SIK2: variants seen among roughly 807,000 people sequenced by gnomAD.
SIK2 encodes the protein salt inducible kinase 2, also known as serine/threonine-protein kinase SIK2.
SIK2 carries 29 observed loss-of-function variants against 103.2 expected under a neutral mutation model. The observed-to-expected ratio is 0.28, with a 90% CI of 0.21 to 0.38. The LOEUF (loss-of-function observed/expected upper bound fraction) is 0.38. Ranked by LOEUF, SIK2 falls within the 10% of genes least tolerant of loss-of-function variation. The probability of loss-of-function intolerance (pLI) is 1.00; values close to 1 mark genes in which losing one functional copy is unlikely to be tolerated. For missense variants in SIK2, 879 were observed against 1,171.0 expected (o/e 0.75, Z 3.64); for synonymous variants, 412 against 446.1 (o/e 0.92, Z 0.96).
At chr11:111,655,226 A>C (rs961423252) in intron 3 of SIK2, among the ~76,000 whole-genome samples, 13 of 152,046 alleles carry the variant, frequency 8.6e-5, no homozygotes, top group Non-Finnish European at 1.5e-4. Flanking sequence ...ACATGGTGAA[A>C]CCTCTTCTCT....
At position 111,636,948 on chromosome 11, in the gene SIK2, A is replaced by G. The variant is rs975738856; in HGVS notation, c.316+16546A>G. On this transcript the variant is annotated intron_variant, in intron 3 of 14. Coordinates refer to ENST00000304987, the MANE Select transcript of SIK2 (RefSeq NM_015191.3). The stretch of plus-strand genomic sequence containing the variant: ...GTCCTCAGTGTTCTGTAATTTTCCA[A>G]TGATGTGCTTTGGTGTGGGTCTATT... Among the ~76,000 whole-genome samples, 4 of 152,056 alleles carry G rather than the reference A, an allele frequency of 2.6e-5. No homozygotes were observed. In the East Asian group the frequency reaches 5.8e-4, roughly 22 times the overall value.
intron 12 of SIK2, 76 bp from the exon 13 acceptor site, chr11:111,721,754 A>G (rs1424656547): frequency 1.8e-6 from 2 of 1,141,048 alleles, no homozygotes; most frequent in Non-Finnish European, 2.5e-6. Flanking sequence ...GGACATTGCA[A>G]AGGTGCTTCA....
chr11:111,687,337 A>C (rs1347901963), intron 3 of SIK2, among the ~76,000 whole-genome samples: 1 of 151,908 alleles, frequency 6.6e-6, no homozygotes, highest in African/African-American at 2.4e-5. Flanking sequence ...CAACGTGATG[A>C]AACCCCATCT....
At position 111,722,721 on chromosome 11, in the gene SIK2, A is replaced by G; in HGVS notation, c.2112A>G (p.Pro704=). ...CCTGTCAGCTTTATTGCAAAGAACC[A>G]CCGCGGAGCCTTGAGCAGCAGCTGC... ...QNTCQLYCKE[P]PRSLEQQLQE... is the part of the protein sequence containing the mutation. Residue 704 remains proline (P), a synonymous_variant, in exon 14 of 15, where the codon CCA becomes CCG. Coordinates refer to ENST00000304987, the MANE Select transcript of SIK2 (RefSeq NM_015191.3). This position sits in a 1 kb window ranked among gnomAD's most constrained non-coding sequence, Gnocchi z 4.4. 6.2e-7 allele frequency: 1 copy of G among 1,614,092 alleles called. No homozygotes were observed. The highest frequency in any genetic ancestry group is 1.1e-5 in the South Asian group (1 of 91,072).
At chr11:111,635,402 AAGG>A (rs1288123540) in intron 3 of SIK2, among the ~76,000 whole-genome samples, 1 of 128,400 alleles carries the variant, frequency 7.8e-6, no homozygotes, top group African/African-American at 3.6e-5. Context: ...GAAAGGGAGA[AAGG>A]AAGGAAGGAG....
intron 3 of SIK2, among the ~76,000 whole-genome samples, chr11:111,631,899 G>C (rs189951458): frequency 6.6e-6 from 1 of 152,246 alleles, no homozygotes; most frequent in East Asian, 1.9e-4. Context: ...ATGCATCTAC[G>C]GTGTGTGATT....
At chr11:111,699,450 C>T (rs1410997898) in intron 4 of SIK2, among the ~76,000 whole-genome samples, 3 of 152,162 alleles carry the variant, frequency 2.0e-5, no homozygotes, top group Non-Finnish European at 4.4e-5. Context: ...TTCTTATTCT[C>T]ATTTAATCCT....
At chr11:111,678,825 A>G (rs1265617608) in intron 3 of SIK2, among the ~76,000 whole-genome samples, 1 of 152,212 alleles carries the variant, frequency 6.6e-6, no homozygotes, top group Non-Finnish European at 1.5e-5. Context: ...ATAGATGTGG[A>G]ATAAAACCCC....
At chr11:111,662,896 A>T (rs150468757) in intron 3 of SIK2, among the ~76,000 whole-genome samples, 1 of 151,404 alleles carries the variant, frequency 6.6e-6, no homozygotes, top group Non-Finnish European at 1.5e-5. Context: ...ATAAAACAAA[A>T]TATTTTTAAA....
intron 3 of SIK2, among the ~76,000 whole-genome samples, chr11:111,637,431 A>T (rs1044948550): frequency 1.4e-5 from 2 of 139,974 alleles, no homozygotes; most frequent in Admixed American, 7.0e-5. Context: ...TAACACCCTT[A>T]TCTTATCTGA....
intron 6 of SIK2, among the ~76,000 whole-genome samples, chr11:111,702,384 A>G (rs1340979790): frequency 6.6e-6 from 1 of 152,192 alleles, no homozygotes; most frequent in Non-Finnish European, 1.5e-5. Context: ...CAGGAGTTGG[A>G]GACCAGCCTG....
intron 9 of SIK2, 65 bp from the exon 10 acceptor site, chr11:111,719,710 T>C: frequency 6.7e-7 from 1 of 1,496,162 alleles, no homozygotes; most frequent in South Asian, 1.2e-5. Flanking sequence ...TGACATGTTT[T>C]CCTTTGTGGA....
chr11:111,702,197 A>G (rs1943226634), intron 6 of SIK2, among the ~76,000 whole-genome samples: 1 of 152,168 alleles, frequency 6.6e-6, no homozygotes, highest in South Asian at 2.1e-4. Flanking sequence ...TGACTTTCAC[A>G]AGTTTTGTCT....
At chr11:111,613,943 C>A (rs1941765432) in intron 1 of SIK2, among the ~76,000 whole-genome samples, 1 of 152,014 alleles carries the variant, frequency 6.6e-6, no homozygotes, top group Non-Finnish European at 1.5e-5. Flanking sequence ...TACAGTAGAG[C>A]TTTAGGACAT....
intron 3 of SIK2, among the ~76,000 whole-genome samples, chr11:111,647,455 C>CTACAAAAAA (rs1031315938): frequency 6.7e-6 from 1 of 149,458 alleles, no homozygotes; most frequent in Admixed American, 6.8e-5. Context: ...AATCCCACAT[C>CTACAAAAAA]TACAAAAAAT....
intron 9 of SIK2, among the ~76,000 whole-genome samples, chr11:111,713,035 C>T (rs1943544815): frequency 6.6e-6 from 1 of 152,096 alleles, no homozygotes; most frequent in Non-Finnish European, 1.5e-5. Flanking sequence ...CGTGGTGGTA[C>T]ACACCTGTAA....
chr11:111,678,958 T>A (rs1016193257), intron 3 of SIK2, among the ~76,000 whole-genome samples: 1 of 152,220 alleles, frequency 6.6e-6, no homozygotes, highest in East Asian at 1.9e-4. Context: ...AAGGCCTGAA[T>A]AACTTGCCCA....
chr11:111,717,597 T>C (rs761471365), intron 9 of SIK2, among the ~76,000 whole-genome samples: 31 of 152,144 alleles, frequency 2.0e-4, no homozygotes, highest in Non-Finnish European at 3.7e-4. Context: ...ACTGGGTATA[T>C]ACCCAAAGGA....
chr11:111,670,217 G>A (rs1247057786), intron 3 of SIK2, among the ~76,000 whole-genome samples: 1 of 152,048 alleles, frequency 6.6e-6, no homozygotes, highest in Non-Finnish European at 1.5e-5. Flanking sequence ...CCACTTTTGC[G>A]CCTTTAATCT....
Sources: gnomAD v4.1 joint callset for allele counts (sites outside exome capture counted in the v4.1 genomes callset) on GRCh38, gnomAD v4.1.1 for gene constraint, Gnocchi (gnomAD v3.1) non-coding constraint, MANE v1.5 for transcripts, NCBI Gene and HGNC (gene_info 2026-07-23, HGNC 2026-07-21) for gene names.